Variants in DOCK7 observed in about 807,000 individuals in gnomAD.
The protein encoded by DOCK7 is dedicator of cytokinesis 7.
Under a neutral mutation model 271.0 loss-of-function variants are expected in DOCK7, and 138 were observed. The ratio of observed to expected loss-of-function variants is 0.51; its 90% CI spans 0.44 to 0.59. The LOEUF is 0.59. Among genes scored for constraint, DOCK7 ranks in the 20% least tolerant of loss-of-function variants. The pLI, the probability that DOCK7 is intolerant of heterozygous loss-of-function variation, is 0.00. For missense variants in DOCK7, 2,066 were observed against 2,592.4 expected, an observed-to-expected ratio of 0.80 and a Z score of 4.41; for synonymous variants, 823 against 876.1, an observed-to-expected ratio of 0.94 and a Z score of 1.07.
Position 62,647,780 on chromosome 1 carries a change from C to T in DOCK7, c.733-4G>A, listed in dbSNP as rs1328820158. The stretch of plus-strand genomic sequence containing the variant: ...TAAGCCGTTCTATTGGTTCTTCCTA[C>T]AAATTGAAAAGCAACACCAAAATGA... On this transcript the variant is annotated splice_polypyrimidine_tract_variant and splice_region_variant and intron_variant, in intron 6 of 49. Coordinates refer to ENST00000635253, the MANE Select transcript of DOCK7 (RefSeq NM_001367561.1). The T allele has an allele frequency of 6.3e-7, 1 of 1,595,680 alleles. No individual in the cohort carries two copies. Among genetic ancestry groups the T allele is most frequent in the East Asian group, 2.2e-5 (1 of 44,616 alleles).
rs1660281660 is a variant in DOCK7, at chr1:62,673,967, G to GGGA, written c.39-10840_39-10838dup. 2.6e-5 allele frequency among the ~76,000 whole-genome samples: 4 copies of GGGA among 151,778 alleles called. No individual in the cohort carries two copies. The South Asian group carries it at 6.3e-4, about 24-fold the overall frequency. On this transcript the variant is annotated intron_variant, in intron 1 of 49. Transcript: ENST00000635253. Reference sequence around the variant, plus strand: ...AAGGGAGGGGGAAGGGGGGGAGGTAGGGAGGGATGGATTAAAGGCATTTTG... The same window carrying GGGA: ...AAGGGAGGGGGAAGGGGGGGAGGTAGGGAGGAGGGATGGATTAAAGGCATTTTG...
intron 18 of DOCK7, among the ~76,000 whole-genome samples, chr1:62,563,720 G>T (rs763761561): frequency 4.6e-5 from 7 of 151,738 alleles, no homozygotes; most frequent in Non-Finnish European, 1.0e-4. Context: ...ATGTAAACGG[G>T]CTAAATGCCT....
At chr1:62,596,792 T>C (rs1649318323) in intron 14 of DOCK7, among the ~76,000 whole-genome samples, 1 of 152,206 alleles carries the variant, frequency 6.6e-6, no homozygotes, top group African/African-American at 2.4e-5. Flanking sequence ...TGGTCCTAGA[T>C]GACCACATAT....
At chr1:62,514,463 T>C (rs181814229) in intron 31 of DOCK7, among the ~76,000 whole-genome samples, 9 of 152,240 alleles carry the variant, frequency 5.9e-5, no homozygotes, top group Non-Finnish European at 1.2e-4. Context: ...CAATCTATAT[T>C]AGTATATAGT....
Position 62,519,909 on chromosome 1 carries a change from A to G in DOCK7, c.3937-6011T>C, listed in dbSNP as rs1571380603. On this transcript the variant is annotated intron_variant, in intron 31 of 49. Transcript: ENST00000635253. ...GGTACTGGTACCAAAACAGATACAT[A>G]GACCAAGGGAACAGAACAGAGGCCT... Among the ~76,000 whole-genome samples, 4 of 152,332 alleles carry G rather than the reference A, an allele frequency of 2.6e-5. No individual in the cohort carries two copies. The South Asian group carries it at 6.2e-4, about 24-fold the overall frequency.
In DOCK7 at chr1:62,455,448, A is replaced by C. The variant is rs1645319931; in HGVS notation, c.6389T>G (p.Phe2130Cys). The C allele has an allele frequency of 6.2e-7, 1 of 1,613,668 alleles. No homozygotes were observed. The highest frequency in any genetic ancestry group is 8.5e-7 in the Non-Finnish European group (1 of 1,179,782). ...VLPVTCHRDS[F>C]SRMSLRKMDL ...CATTTTGCGAAGGCTCATTCGACTG[A>C]AGGAATCTCTGGGAAAAAAATGAGA... Residue 2130 changes from phenylalanine (F) to cysteine (C), a missense_variant, in exon 50 of 50, where the codon TTC becomes TGC. Transcript: ENST00000635253.
intron 12 of DOCK7, among the ~76,000 whole-genome samples, chr1:62,621,685 T>C (rs1483124374): frequency 1.3e-5 from 2 of 152,210 alleles, no homozygotes; most frequent in African/African-American, 4.8e-5. Flanking sequence ...TTTAGTTTTA[T>C]TGAGTTATGG....
chr1:62,488,864 T>G, intron 42 of DOCK7, 70 bp downstream of exon 42: 3 of 1,591,578 alleles, frequency 1.9e-6, no homozygotes, highest in Non-Finnish European at 2.6e-6. Flanking sequence ...TTGACATCAG[T>G]GCAAAACAAC....
chr1:62,681,408 A>G, intron 1 of DOCK7, among the ~76,000 whole-genome samples: 1 of 128,560 alleles, frequency 7.8e-6, no homozygotes, highest in African/African-American at 2.9e-5. Context: ...GGGGGGAGGG[A>G]TAGCATTAGG....
At chr1:62,584,855 T>C (rs765531443) in intron 15 of DOCK7, 4 of 718,912 alleles carry the variant, frequency 5.6e-6, no homozygotes, top group Non-Finnish European at 1.0e-5. Context: ...TAACTGTCGG[T>C]ATAGGATGGG....
chr1:62,515,120 C>T (rs1213043515), intron 31 of DOCK7, among the ~76,000 whole-genome samples: 3 of 149,660 alleles, frequency 2.0e-5, no homozygotes, highest in Admixed American at 2.0e-4. Context: ...AGTATTATTA[C>T]TCACCTCATC....
At chr1:62,662,294 A>G (rs1658750315) in intron 2 of DOCK7, among the ~76,000 whole-genome samples, 1 of 152,160 alleles carries the variant, frequency 6.6e-6, no homozygotes, top group African/African-American at 2.4e-5. Context: ...AGCTTCTTTA[A>G]TAAGAGAACA....
At chr1:62,543,379 C>A in intron 24 of DOCK7, 1 of 244,318 alleles carries the variant, frequency 4.1e-6, no homozygotes, top group South Asian at 1.1e-4. Context: ...AGAGTTGATA[C>A]ATTTTTTTGG....
intron 14 of DOCK7, chr1:62,604,216 C>T: frequency 6.2e-7 from 1 of 1,613,266 alleles, no homozygotes; most frequent in Non-Finnish European, 8.5e-7. Context: ...GACACTTCAA[C>T]TGTCCAGAGG....
intron 18 of DOCK7, among the ~76,000 whole-genome samples, chr1:62,565,213 T>A (rs1029707844): frequency 1.3e-5 from 2 of 152,182 alleles, no homozygotes; most frequent in African/African-American, 4.8e-5. Context: ...GCCAGCATCA[T>A]CCTGATACCA....
chr1:62,577,421 C>T lies in DOCK7; in HGVS notation c.2011-58G>A, dbSNP rs1009354410. ...AATATGCTTGCTATAAAAATAATTA[C>T]TTAGCATGTTTTAAGAACTTGGTAC... On this transcript the variant is annotated intron_variant, in intron 17 of 49. Coordinates refer to ENST00000635253, the MANE Select transcript of DOCK7 (RefSeq NM_001367561.1). 70 of 1,331,028 alleles carry T rather than the reference C, an allele frequency of 5.3e-5. No homozygotes were observed. In the Admixed American group the frequency reaches 1.3e-3, roughly 24 times the overall value. The allele number at this position is 1,331,028 out of a possible 1,614,324, so 82.5% of individuals were successfully genotyped here. A position where few individuals can be genotyped will look rare whatever the true frequency, so the allele number is the denominator to read the frequency against.
Position 62,623,349 on chromosome 1 carries a change from C to A in DOCK7, c.1425+1910G>T, listed in dbSNP as rs573302343. ...AATACAGAACCATATTAAACAGTTT[C>A]TGTACTGTAAACATTTTCCACTGCT... On this transcript the variant is annotated intron_variant, in intron 12 of 49. Coordinates refer to ENST00000635253, the MANE Select transcript of DOCK7 (RefSeq NM_001367561.1). Among the ~76,000 whole-genome samples, 3 of 152,294 alleles carry A rather than the reference C, an allele frequency of 2.0e-5. No individual in the cohort carries two copies. In the South Asian group the frequency reaches 6.2e-4, roughly 32 times the overall value.
intron 41 of DOCK7, among the ~76,000 whole-genome samples, chr1:62,491,812 G>GT: frequency 6.6e-6 from 1 of 152,062 alleles, no homozygotes; most frequent in African/African-American, 2.4e-5. Context: ...GTTTTGCTAC[G>GT]TTTTTTAACT....
intron 7 of DOCK7, among the ~76,000 whole-genome samples, chr1:62,644,433 T>C (rs1311911512): frequency 1.3e-5 from 2 of 152,198 alleles, no homozygotes; most frequent in Non-Finnish European, 2.9e-5. Flanking sequence ...TGCAGGAGCA[T>C]TTCCATCCTC....
Sources: gnomAD v4.1 joint callset for allele counts (sites outside exome capture counted in the v4.1 genomes callset) on GRCh38, gnomAD v4.1.1 for gene constraint, MANE v1.5 for transcripts, NCBI Gene and HGNC (gene_info 2026-07-23, HGNC 2026-07-21) for gene names.